The following NRG3 variants were observed in gnomAD, a reference collection of about 807,000 sequenced individuals.
NRG3 encodes pro-neuregulin-3, membrane-bound isoform.
Under a neutral mutation model 66.9 loss-of-function variants are expected in NRG3, and 31 were observed. The observed-to-expected ratio is 0.46, with a 90% CI of 0.35 to 0.63. NRG3 has a LOEUF of 0.63. Among genes scored for constraint, NRG3 ranks in the 20% least tolerant of loss-of-function variants. The probability of loss-of-function intolerance (pLI) is 0.00; values close to 1 mark genes in which losing one functional copy is unlikely to be tolerated. For synonymous variants in NRG3, 393 were observed against 359.4 expected (o/e 1.09, Z -1.06); for missense variants, 910 against 878.9 (o/e 1.04, Z -0.45).
intron 3 of NRG3, among the ~76,000 whole-genome samples, chr10:82,812,092 T>C (rs2061513056): frequency 6.6e-6 from 1 of 152,306 alleles, no homozygotes; most frequent in Non-Finnish European, 1.5e-5. Context: ...ACATGGCTCT[T>C]CTAGACCAGG....
intron 3 of NRG3, among the ~76,000 whole-genome samples, chr10:82,787,764 A>G (rs2060429031): frequency 6.6e-6 from 1 of 152,290 alleles, no homozygotes; most frequent in South Asian, 2.1e-4. Flanking sequence ...AATGAGTGCC[A>G]ATAAATCTGA....
chr10:81,995,632 G>C lies in NRG3; in HGVS notation c.823+119469G>C, dbSNP rs1044292887. Among the ~76,000 whole-genome samples the C allele has an allele frequency of 2.6e-5, 4 of 152,184 alleles. No homozygotes were observed. In the East Asian group the frequency reaches 7.7e-4, roughly 29 times the overall value. On this transcript the variant is annotated intron_variant, in intron 1 of 8. Coordinates refer to ENST00000372141, the MANE Select transcript of NRG3 (RefSeq NM_001010848.4). ...TTGGCTGTTCCTGGTACTGGCCTTT[G>C]CCTTACAGTTTAAGGATGCTGTTGA...
At chr10:82,307,945 A>G (rs1370965494) in intron 1 of NRG3, among the ~76,000 whole-genome samples, 1 of 152,070 alleles carries the variant, frequency 6.6e-6, no homozygotes, top group Admixed American at 6.6e-5. Context: ...ATTCTTAGCT[A>G]AACATTTGGA....
chr10:82,563,198 A>T (rs1310718948), intron 2 of NRG3, among the ~76,000 whole-genome samples: 4 of 152,120 alleles, frequency 2.6e-5, no homozygotes, highest in East Asian at 3.9e-4. Flanking sequence ...ATTGAACATT[A>T]TTTTTTGAAG....
At position 82,347,020 on chromosome 10, in the gene NRG3, C is replaced by T. The variant is rs1438634237; in HGVS notation, c.824-11719C>T. Among the ~76,000 whole-genome samples the T allele has an allele frequency of 2.6e-5, 4 of 152,016 alleles. No individual in the cohort carries two copies. In the South Asian group the frequency reaches 8.3e-4, roughly 32 times the overall value. On this transcript the variant is annotated intron_variant, in intron 1 of 8. Coordinates refer to ENST00000372141, the MANE Select transcript of NRG3 (RefSeq NM_001010848.4). ...GTTGATCCTTTCAAAAAAACCAGCT[C>T]CTGGATTCATTAATTTTTTGAAGGG...
chr10:82,466,717 A>G (rs1363334642), intron 2 of NRG3, among the ~76,000 whole-genome samples: 1 of 152,136 alleles, frequency 6.6e-6, no homozygotes, highest in Non-Finnish European at 1.5e-5. Flanking sequence ...CCAAGAAATT[A>G]GACAGACATG....
intron 3 of NRG3, among the ~76,000 whole-genome samples, chr10:82,756,696 A>C (rs937181673): frequency 8.5e-5 from 13 of 152,152 alleles, no homozygotes; most frequent in African/African-American, 3.1e-4. Context: ...ACCAGGAAGT[A>C]AATGTCCAGA....
intron 2 of NRG3, among the ~76,000 whole-genome samples, chr10:82,723,758 T>A (rs577721372): frequency 1.3e-5 from 2 of 152,220 alleles, no homozygotes; most frequent in African/African-American, 4.8e-5. Flanking sequence ...GGTGGGCAGA[T>A]CACTTCAGGT....
chr10:82,095,923 A>G (rs555184741), intron 1 of NRG3, among the ~76,000 whole-genome samples: 1 of 152,296 alleles, frequency 6.6e-6, no homozygotes, highest in East Asian at 1.9e-4. Context: ...AGCCTTCAAA[A>G]TGTAGCTGGT....
chr10:82,974,264 G>A lies in NRG3; in HGVS notation c.1412+349G>A, dbSNP rs369914993. On this transcript the variant is annotated intron_variant, in intron 7 of 8. Coordinates refer to ENST00000372141, the MANE Select transcript of NRG3 (RefSeq NM_001010848.4). ...CAGTTAATGAGTAATTCTTCCCTAT[G>A]CAGCCTAATGTGACAGACTTCAGGT... Among the ~76,000 whole-genome samples the A allele has an allele frequency of 7.9e-5, 12 of 152,172 alleles. No homozygotes were observed. In the East Asian group the frequency reaches 2.1e-3, roughly 27 times the overall value.
intron 2 of NRG3, among the ~76,000 whole-genome samples, chr10:82,571,076 T>C (rs1295593343): frequency 1.3e-5 from 2 of 151,580 alleles, no homozygotes; most frequent in Non-Finnish European, 3.0e-5. Context: ...TTTCCATACA[T>C]AGGTATATAT....
At chr10:82,437,736 G>A (rs940737070) in intron 2 of NRG3, among the ~76,000 whole-genome samples, 2 of 152,076 alleles carry the variant, frequency 1.3e-5, no homozygotes, top group African/African-American at 4.8e-5. Context: ...GCTTTTTGTT[G>A]TTGTTGTTGA....
intron 2 of NRG3, among the ~76,000 whole-genome samples, chr10:82,653,484 A>G (rs367712202): frequency 1.3e-5 from 2 of 152,330 alleles, no homozygotes; most frequent in African/African-American, 4.8e-5. Flanking sequence ...CAGATTCTGC[A>G]TTTGACTAAC....
At chr10:82,717,646 G>A (rs569732322) in intron 2 of NRG3, among the ~76,000 whole-genome samples, 42 of 151,936 alleles carry the variant, frequency 2.8e-4, no homozygotes, top group South Asian at 6.2e-4. Flanking sequence ...CTCGTGATCC[G>A]CCTGCCTCGA....
chr10:82,091,293 A>G (rs1182521523), intron 1 of NRG3, among the ~76,000 whole-genome samples: 1 of 152,158 alleles, frequency 6.6e-6, no homozygotes, highest in East Asian at 1.9e-4. Flanking sequence ...CAACTTTGTA[A>G]CCATGAAAGA....
At chr10:82,911,686 G>T (rs1313902329) in intron 4 of NRG3, among the ~76,000 whole-genome samples, 1 of 151,408 alleles carries the variant, frequency 6.6e-6, no homozygotes. Flanking sequence ...TCTTTTCAAA[G>T]AATCAGTTTT....
At chr10:82,952,471 C>CTGTGTGTGTGTG (rs60100337) in intron 5 of NRG3, among the ~76,000 whole-genome samples, 7 of 98,842 alleles carry the variant, frequency 7.1e-5, no homozygotes, top group East Asian at 6.7e-4. Flanking sequence ...CTCTCTCTCT[C>CTGTGTGTGTGTG]TGTGTGTGTG....
intron 1 of NRG3, among the ~76,000 whole-genome samples, chr10:82,110,199 A>G (rs573478628): frequency 1.3e-5 from 2 of 152,326 alleles, no homozygotes; most frequent in African/African-American, 2.4e-5. Context: ...AGGGAGCCAT[A>G]CAGATATCTA....
chr10:82,619,042 G>T (rs1320664897), intron 2 of NRG3, among the ~76,000 whole-genome samples: 1 of 151,902 alleles, frequency 6.6e-6, no homozygotes, highest in African/African-American at 2.4e-5. Flanking sequence ...AGAATAAGTG[G>T]AGGTTTGGCA....
Sources: gnomAD v4.1 joint callset for allele counts (sites outside exome capture counted in the v4.1 genomes callset) on GRCh38, gnomAD v4.1.1 for gene constraint, MANE v1.5 for transcripts, NCBI Gene and HGNC (gene_info 2026-07-23, HGNC 2026-07-21) for gene names.